OSTF1: variants seen among roughly 807,000 people sequenced by gnomAD.
OSTF1 encodes osteoclast-stimulating factor 1.
In OSTF1, 27 loss-of-function variants were observed where a neutral mutation model predicts 37.2. That is an observed-to-expected ratio of 0.73 (90% CI 0.54 to 1.00). The LOEUF (loss-of-function observed/expected upper bound fraction) is 1.00, where lower values mean the gene tolerates loss of function less well. OSTF1 is among the 50% of genes least tolerant of loss of function. The pLI is 0.00. For synonymous variants in OSTF1, 82 were observed against 89.2 expected (o/e 0.92, Z 0.46); for missense variants, 232 against 253.8 (o/e 0.91, Z 0.58).
chr9:75,108,817 G>T (rs1376213588), intron 1 of OSTF1, among the ~76,000 whole-genome samples: 1 of 152,180 alleles, frequency 6.6e-6, no homozygotes, highest in South Asian at 2.1e-4. Context: ...CAGAGCTAGC[G>T]CAAGAACATC....
intron 1 of OSTF1, among the ~76,000 whole-genome samples, chr9:75,102,321 A>G (rs1183439325): frequency 2.0e-5 from 3 of 152,198 alleles, no homozygotes; most frequent in Admixed American, 6.5e-5. Context: ...GGATGCACAC[A>G]TTGATATGTG....
At chr9:75,128,399 TATATATATTTTGTCC>T (rs1371545578) in intron 3 of OSTF1, among the ~76,000 whole-genome samples, 187 of 94,206 alleles carry the variant, frequency 2.0e-3, no homozygotes, top group Non-Finnish European at 2.8e-3. Context: ...TATATATATA[TATATATATTTTGTCC>T]ATATATATAT....
intron 5 of OSTF1, 21 bp downstream of exon 5, chr9:75,131,844 C>T (rs1825765607): frequency 2.5e-6 from 4 of 1,591,438 alleles, no homozygotes; most frequent in African/African-American, 2.7e-5. Context: ...TTCTTTTTGA[C>T]TGAGGTATGC....
intron 8 of OSTF1, among the ~76,000 whole-genome samples, chr9:75,140,415 T>G (rs1276002031): frequency 6.6e-6 from 1 of 152,202 alleles, no homozygotes; most frequent in Non-Finnish European, 1.5e-5. Context: ...TGGTTTTACG[T>G]GTTGCTATTC....
intron 1 of OSTF1, among the ~76,000 whole-genome samples, chr9:75,105,772 T>A (rs1436441920): frequency 1.3e-5 from 2 of 152,206 alleles, no homozygotes; most frequent in Non-Finnish European, 2.9e-5. Context: ...CTCTGTTTTT[T>A]ACCCAGTGAA....
At chr9:75,145,461 A>G (rs1826008838) in intron 9 of OSTF1, among the ~76,000 whole-genome samples, 1 of 152,216 alleles carries the variant, frequency 6.6e-6, no homozygotes, top group African/African-American at 2.4e-5. Context: ...TGTGACATCC[A>G]TTGATGATCG....
intron 1 of OSTF1, among the ~76,000 whole-genome samples, chr9:75,105,572 G>T (rs932612990): frequency 1.3e-5 from 2 of 152,004 alleles, no homozygotes; most frequent in African/African-American, 4.8e-5. Flanking sequence ...ACAAAAACAA[G>T]CATTGCCTTC....
At chr9:75,090,297 GT>G (rs1824948291) in intron 1 of OSTF1, among the ~76,000 whole-genome samples, 1 of 1,732 alleles carries the variant, frequency 5.8e-4, no homozygotes, top group African/African-American at 9.8e-3. Flanking sequence ...ATTGACAGGT[GT>G]GTGTGTGTGT....
intron 2 of OSTF1, among the ~76,000 whole-genome samples, chr9:75,123,211 G>A (rs1241690970): frequency 6.6e-6 from 1 of 152,218 alleles, no homozygotes; most frequent in Non-Finnish European, 1.5e-5. Context: ...CACGAGGTCA[G>A]GAGATCGAGA....
Position 75,144,737 on chromosome 9 carries a change from A to G in OSTF1, c.587-1946A>G, listed in dbSNP as rs115177246. Among the ~76,000 whole-genome samples, 1,086 of 152,238 alleles carry G rather than the reference A, an allele frequency of 7.1e-3. 14 individuals are homozygous for G. Among genetic ancestry groups the G allele is most frequent in the African/African-American group, 0.023 (949 of 41,524 alleles). On this transcript the variant is annotated intron_variant, in intron 9 of 9. Coordinates refer to ENST00000346234, the MANE Select transcript of OSTF1 (RefSeq NM_012383.5). ...AGCATACCTAAAAAATAATTCCTTA[A>G]TATTCCTTAATATCATCAAATATCT... is the stretch of plus-strand genomic sequence containing the variant.
At chr9:75,146,627 A>C in intron 9 of OSTF1, 56 bp from the exon 10 acceptor site, 1 of 1,164,900 alleles carries the variant, frequency 8.6e-7, no homozygotes. Flanking sequence ...GAAAAAATAA[A>C]ATCTGAGCAG....
intron 1 of OSTF1, among the ~76,000 whole-genome samples, chr9:75,090,913 C>G (rs1824961660): frequency 6.6e-6 from 1 of 152,184 alleles, no homozygotes. Flanking sequence ...AACACATTTG[C>G]TGCTCTCAAC....
intron 3 of OSTF1, 88 bp from the exon 4 acceptor site, chr9:75,130,490 C>G (rs41287441): frequency 0.05 from 43,463 of 865,792 alleles, 1,574 homozygotes; most frequent in African/African-American, 0.16. Context: ...TTTTGTAGAA[C>G]AGGTACTCCC....
chr9:75,132,972 T>TACACACACACACACAC (rs57913558), intron 5 of OSTF1, among the ~76,000 whole-genome samples: 8 of 60,216 alleles, frequency 1.3e-4, no homozygotes, highest in African/African-American at 3.2e-4. Flanking sequence ...TACACACACA[T>TACACACACACACACAC]ACACACACAC....
At chr9:75,130,547 A>G in intron 3 of OSTF1, 31 bp from the exon 4 acceptor site, 1 of 1,470,128 alleles carries the variant, frequency 6.8e-7, no homozygotes, top group East Asian at 2.3e-5. Context: ...TCTGGATTTC[A>G]TACCACTTAA....
intron 1 of OSTF1, among the ~76,000 whole-genome samples, chr9:75,107,042 C>T (rs1825300638): frequency 2.0e-5 from 3 of 150,142 alleles, no homozygotes; most frequent in Admixed American, 2.0e-4. Context: ...GAGATCTGGG[C>T]CAGGAGGCCT....
intron 1 of OSTF1, among the ~76,000 whole-genome samples, chr9:75,102,404 C>T (rs1304988998): frequency 6.6e-6 from 1 of 152,184 alleles, no homozygotes; most frequent in Non-Finnish European, 1.5e-5. Flanking sequence ...TAAAATTAGT[C>T]ATGACTAGCG....
chr9:75,098,310 A>G (rs1825124648), intron 1 of OSTF1, among the ~76,000 whole-genome samples: 1 of 152,228 alleles, frequency 6.6e-6, no homozygotes, highest in Non-Finnish European at 1.5e-5. Flanking sequence ...CCAGATTTCC[A>G]TGAGAAACAA....
At chr9:75,142,665 C>T (rs931982487) in intron 9 of OSTF1, among the ~76,000 whole-genome samples, 3 of 152,048 alleles carry the variant, frequency 2.0e-5, no homozygotes, top group African/African-American at 7.2e-5. Flanking sequence ...CTGTGCACCC[C>T]AAGTGTGTTT....
Sources: gnomAD v4.1 joint callset for allele counts (sites outside exome capture counted in the v4.1 genomes callset) on GRCh38, gnomAD v4.1.1 for gene constraint, MANE v1.5 for transcripts, NCBI Gene and HGNC (gene_info 2026-07-23, HGNC 2026-07-21) for gene names.